Variants in DLG1 observed in about 807,000 individuals in gnomAD.
DLG1 encodes discs large MAGUK scaffold protein 1.
DLG1 carries 42 observed loss-of-function variants against 123.4 expected under a neutral mutation model. The observed-to-expected ratio is 0.34, with a 90% CI of 0.27 to 0.44. The LOEUF is 0.44. Ranked by LOEUF, DLG1 falls within the 20% of genes least tolerant of loss-of-function variation. The probability of loss-of-function intolerance (pLI) is 1.00; values close to 1 mark genes in which losing one functional copy is unlikely to be tolerated. For missense variants in DLG1, 942 were observed against 1,082.6 expected (o/e 0.87, Z 1.82); for synonymous variants, 317 against 356.2 (o/e 0.89, Z 1.24).
chr3:197,100,013 C>T (rs1762609041), intron 14 of DLG1, among the ~76,000 whole-genome samples: 1 of 152,178 alleles, frequency 6.6e-6, no homozygotes, highest in African/African-American at 2.4e-5. Flanking sequence ...TTTGGTTGAA[C>T]AGCACGTGCG....
chr3:197,153,667 A>T (rs1356015546), intron 5 of DLG1, among the ~76,000 whole-genome samples: 2 of 152,046 alleles, frequency 1.3e-5, no homozygotes, highest in African/African-American at 4.8e-5. Flanking sequence ...CTTCCTACAC[A>T]CCAATTCAAT....
chr3:197,192,885 G>A (rs1720409566), intron 5 of DLG1, among the ~76,000 whole-genome samples: 1 of 151,866 alleles, frequency 6.6e-6, no homozygotes, highest in South Asian at 2.1e-4. Flanking sequence ...GTGATATTAT[G>A]AATAAAAAAG....
chr3:197,297,743 C>T (rs1778212463), intron 1 of DLG1: 20 of 986,254 alleles, frequency 2.0e-5, no homozygotes, highest in Non-Finnish European at 2.4e-5. Flanking sequence ...CTCTCCGCGA[C>T]GCCCTCGCGC....
intron 23 of DLG1, among the ~76,000 whole-genome samples, chr3:197,055,230 C>A (rs1329483891): frequency 6.6e-6 from 1 of 152,206 alleles, no homozygotes; most frequent in Non-Finnish European, 1.5e-5. Context: ...GGATTATAGG[C>A]ATGAGCCACT....
chr3:197,143,765 G>T (rs1425279129), intron 6 of DLG1, among the ~76,000 whole-genome samples: 1 of 152,038 alleles, frequency 6.6e-6, no homozygotes, highest in Non-Finnish European at 1.5e-5. Context: ...TACATATCCT[G>T]CAATTTTCCA....
At position 197,287,800 on chromosome 3, in the gene DLG1, G is replaced by A. The variant is rs114412270; in HGVS notation, c.152-4955C>T. Reference sequence around the variant, plus strand: ...TCAGAGTAGAAAATATTTAAAAGATGGATAACACTCTGTATTGCTTAAGGT... The same window carrying A: ...TCAGAGTAGAAAATATTTAAAAGATAGATAACACTCTGTATTGCTTAAGGT... On this transcript the variant is annotated intron_variant, in intron 3 of 24. Transcript: ENST00000667157. Among the ~76,000 whole-genome samples the A allele has an allele frequency of 3.0e-3, 463 of 152,154 alleles. 3 individuals are homozygous for A. Among genetic ancestry groups the A allele is most frequent in the African/African-American group, 9.7e-3 (404 of 41,496 alleles).
At chr3:197,069,613 G>A (rs1742215629) in intron 18 of DLG1, 1 of 163,606 alleles carries the variant, frequency 6.1e-6, no homozygotes, top group Non-Finnish European at 1.3e-5. Flanking sequence ...TTTTGAAACA[G>A]CGTTAACTGG....
intron 4 of DLG1, among the ~76,000 whole-genome samples, chr3:197,234,565 G>C (rs971361191): frequency 6.6e-6 from 1 of 152,098 alleles, no homozygotes. Context: ...TAGTTTTAAA[G>C]AACATGTAAT....
intron 5 of DLG1, among the ~76,000 whole-genome samples, chr3:197,160,223 A>G (rs995379877): frequency 1.3e-5 from 2 of 152,190 alleles, no homozygotes; most frequent in East Asian, 1.9e-4. Context: ...TGGAGTAAAT[A>G]AATGAGAGAA....
intron 3 of DLG1, among the ~76,000 whole-genome samples, chr3:197,290,620 T>G (rs1279623611): frequency 6.6e-6 from 1 of 151,452 alleles, no homozygotes; most frequent in African/African-American, 2.4e-5. Flanking sequence ...TAAAAAAAAG[T>G]AAGAGTGGAA....
chr3:197,256,374 C>T lies in DLG1; in HGVS notation c.318+26305G>A, dbSNP rs149074962. Among the ~76,000 whole-genome samples the T allele has an allele frequency of 2.5e-4, 38 of 152,388 alleles. No homozygotes were observed. In the East Asian group the frequency reaches 6.6e-3, roughly 26 times the overall value. On this transcript the variant is annotated intron_variant, in intron 4 of 24. Transcript: ENST00000667157. ...TGGCCATAGTCTGCCAACTCCTGAT[C>T]TAAAGGAAGAACTATAATAGCCTTT...
At chr3:197,262,895 C>G (rs183154768) in intron 4 of DLG1, among the ~76,000 whole-genome samples, 2 of 152,312 alleles carry the variant, frequency 1.3e-5, no homozygotes, top group East Asian at 3.9e-4. Flanking sequence ...TAAATGTCAT[C>G]ATGGGCCAAC....
chr3:197,259,568 T>C (rs1012531922), intron 4 of DLG1, among the ~76,000 whole-genome samples: 1 of 152,174 alleles, frequency 6.6e-6, no homozygotes, highest in Non-Finnish European at 1.5e-5. Context: ...AAAAGGTAAA[T>C]TATTCCATAT....
In DLG1 at chr3:197,130,440, A is replaced by G. The variant is rs1241860545; in HGVS notation, c.1165+87T>C. The G allele has an allele frequency of 2.7e-6, 3 of 1,118,618 alleles. No individual in the cohort carries two copies. In the East Asian group the frequency reaches 8.4e-5, roughly 31 times the overall value. 69.3% of individuals were successfully genotyped at this position (1,118,618 alleles called of 1,614,324 possible). A position where few individuals can be genotyped will look rare whatever the true frequency, so the allele number is the denominator to read the frequency against. ...TTAAAAATATTTGCATAATGTTTAA[A>G]CTTTATTATACTGAGAACATTTCAC... On this transcript the variant is annotated intron_variant, in intron 11 of 24. Transcript: ENST00000667157.
intron 10 of DLG1, 120 bp from the exon 11 acceptor site, chr3:197,130,791 A>G (rs1782082914): frequency 1.4e-6 from 1 of 724,098 alleles, no homozygotes; most frequent in Non-Finnish European, 2.2e-6. Flanking sequence ...AGGTATGCCG[A>G]AAGAAAATAC....
chr3:197,118,608 T>C (rs549204167), intron 12 of DLG1, among the ~76,000 whole-genome samples: 5 of 152,318 alleles, frequency 3.3e-5, no homozygotes, highest in East Asian at 3.9e-4. Context: ...CATTTTAATG[T>C]TGAATCTGTA....
intron 19 of DLG1, among the ~76,000 whole-genome samples, chr3:197,068,041 T>C (rs1740958237): frequency 6.6e-6 from 1 of 152,220 alleles, no homozygotes; most frequent in South Asian, 2.1e-4. Flanking sequence ...TTGCAATTGG[T>C]TTATATTATA....
At chr3:197,101,422 G>A (rs552067795) in intron 14 of DLG1, among the ~76,000 whole-genome samples, 43 of 150,816 alleles carry the variant, frequency 2.9e-4, no homozygotes, top group African/African-American at 1.0e-3. Flanking sequence ...GTCTCGCTCT[G>A]TCGCCCAGGC....
At chr3:197,068,423 AT>A in intron 19 of DLG1, 1 of 953,044 alleles carries the variant, frequency 1.0e-6, no homozygotes, top group Non-Finnish European at 1.6e-6. Context: ...TAGAAAAATA[AT>A]CAACCAAATG....
Sources: allele counts gnomAD v4.1 joint callset (sites outside exome capture counted in the v4.1 genomes callset), GRCh38; gene constraint gnomAD v4.1.1; transcripts MANE v1.5; gene names NCBI Gene and HGNC (gene_info 2026-07-23, HGNC 2026-07-21).